Variants in FAM156A observed in about 807,000 individuals in gnomAD.
The protein encoded by FAM156A is family with sequence similarity 156 member A.
At chrX:52,982,532 A>C (rs372674054) in intron 1 of FAM156A, among the ~76,000 whole-genome samples, 1 of 112,070 alleles carries the variant, frequency 8.9e-6, no homozygotes, top group East Asian at 2.7e-4. Context: ...TAAAGTAAAA[A>C]ATAATAATCT....
intron 1 of FAM156A, among the ~76,000 whole-genome samples, chrX:52,991,058 T>A (rs1930730804): frequency 9.0e-6 from 1 of 111,398 alleles, no homozygotes; most frequent in Non-Finnish European, 1.9e-5. Flanking sequence ...TGGTACAGAA[T>A]CACGGTGAGG....
intron 1 of FAM156A, chrX:52,995,224 G>A (rs1931089538): frequency 8.9e-6 from 1 of 112,204 alleles, no homozygotes; most frequent in African/African-American, 3.2e-5. Flanking sequence ...TGAGTGTAGC[G>A]GGAGGAACGA....
intron 1 of FAM156A, among the ~76,000 whole-genome samples, chrX:52,990,910 G>A (rs1213531156): frequency 9.0e-6 from 1 of 111,472 alleles, no homozygotes; most frequent in African/African-American, 3.3e-5. Flanking sequence ...GGAAGGCCTC[G>A]GCAAAGGACT....
intron 1 of FAM156A, among the ~76,000 whole-genome samples, chrX:52,990,465 T>TTCTGCTCATTC (rs1930618007): frequency 9.0e-6 from 1 of 111,128 alleles, no homozygotes; most frequent in East Asian, 2.8e-4. Flanking sequence ...GAGGACAGAA[T>TTCTGCTCATTC]GAGCAGGGGC....
intron 1 of FAM156A, among the ~76,000 whole-genome samples, chrX:52,986,665 G>GA (rs139323374): frequency 2.4e-4 from 25 of 104,424 alleles, no homozygotes; most frequent in South Asian, 8.0e-4. Flanking sequence ...CATAATTAAA[G>GA]AAAAAAAAAA....
At chrX:52,994,048 T>C (rs1198394493) in intron 1 of FAM156A, among the ~76,000 whole-genome samples, 2 of 111,228 alleles carry the variant, frequency 1.8e-5, no homozygotes, top group Non-Finnish European at 3.8e-5. Context: ...TTTGAAATCA[T>C]GTCTGCCAGC....
intron 1 of FAM156A, among the ~76,000 whole-genome samples, chrX:52,974,253 A>C (rs1166672426): frequency 1.8e-5 from 2 of 112,707 alleles, no homozygotes; most frequent in African/African-American, 3.2e-5. Context: ...AAATGGAAGT[A>C]TACAGCTGTA....
chrX:52,988,914 T>C (rs923533172), intron 1 of FAM156A, among the ~76,000 whole-genome samples: 1 of 112,418 alleles, frequency 8.9e-6, no homozygotes, highest in Non-Finnish European at 1.9e-5. Flanking sequence ...ATGAACATCA[T>C]TGCATGTACA....
At chrX:52,975,004 G>A (rs782629253) in intron 1 of FAM156A, among the ~76,000 whole-genome samples, 4 of 107,210 alleles carry the variant, frequency 3.7e-5, no homozygotes, top group East Asian at 5.9e-4. Context: ...AGCCCTGGTC[G>A]ATTTCTCTCA....
intron 1 of FAM156A, among the ~76,000 whole-genome samples, chrX:52,974,400 T>C (rs1244656159): frequency 2.7e-5 from 3 of 111,986 alleles, no homozygotes; most frequent in Non-Finnish European, 5.6e-5. Flanking sequence ...GGGATGTGTC[T>C]TTTTTTATTG....
intron 1 of FAM156A, among the ~76,000 whole-genome samples, chrX:52,989,742 G>A (rs782023614): frequency 1.1e-4 from 12 of 111,935 alleles, no homozygotes; most frequent in Non-Finnish European, 2.1e-4. Context: ...GGTGGAGGCG[G>A]AGCCGGCAGC....
intron 1 of FAM156A, among the ~76,000 whole-genome samples, chrX:52,981,817 T>G (rs1929934595): frequency 9.1e-6 from 1 of 109,865 alleles, no homozygotes; most frequent in Non-Finnish European, 1.9e-5. Flanking sequence ...GAAGGCTGAA[T>G]GAGGAGCTTT....
intron 1 of FAM156A, among the ~76,000 whole-genome samples, chrX:52,976,854 A>G (rs1929506158): frequency 9.1e-6 from 1 of 110,172 alleles, no homozygotes; most frequent in Non-Finnish European, 1.9e-5. Context: ...ATAAATATGT[A>G]TATATAATAA....
At chrX:52,989,143 G>A (rs929814627) in intron 1 of FAM156A, among the ~76,000 whole-genome samples, 4 of 111,394 alleles carry the variant, frequency 3.6e-5, no homozygotes, top group Non-Finnish European at 7.5e-5. Context: ...CATGTGGGTC[G>A]CAGTAACTCA....
At chrX:52,974,651 C>T (rs1157188872) in intron 1 of FAM156A, among the ~76,000 whole-genome samples, 1 of 110,786 alleles carries the variant, frequency 9.0e-6, no homozygotes, top group East Asian at 2.8e-4. Flanking sequence ...TCTTAAGGGG[C>T]ATGAATCTCA....
intron 1 of FAM156A, among the ~76,000 whole-genome samples, chrX:52,982,054 T>C (rs1929953844): frequency 8.9e-6 from 1 of 111,914 alleles, no homozygotes; most frequent in Non-Finnish European, 1.9e-5. Flanking sequence ...TCCCAGCACT[T>C]TGGAAGGCCT....
chrX:52,991,830 C>G (rs1421796892), intron 1 of FAM156A, among the ~76,000 whole-genome samples: 1 of 109,745 alleles, frequency 9.1e-6, no homozygotes, highest in African/African-American at 3.4e-5. Flanking sequence ...TGTACTCAGC[C>G]TTGCCCTGTG....
chrX:52,989,297 C>T (rs1930522229), intron 1 of FAM156A, among the ~76,000 whole-genome samples: 1 of 111,799 alleles, frequency 8.9e-6, no homozygotes, highest in South Asian at 3.7e-4. Flanking sequence ...TGCTCACAAC[C>T]TCAGAACTTC....
rs782584725 is a variant in FAM156A, at chrX:52,988,401, G to A, written c.-434+6905C>T. On this transcript the variant is annotated intron_variant, in intron 1 of 4. Transcript: ENST00000610625. ...AGTATAGTGATAAGAGAACAGATCC[G>A]TGGGTGCCAGCGCTTAGGGGTGGGA... is the stretch of plus-strand genomic sequence containing the variant. Among the ~76,000 whole-genome samples, 10 of 110,939 alleles carry A rather than the reference G, an allele frequency of 9.0e-5. No homozygotes were observed. In the South Asian group the frequency reaches 2.7e-3, roughly 30 times the overall value.
Sources: gnomAD v4.1 joint callset for allele counts (sites outside exome capture counted in the v4.1 genomes callset) on GRCh38, gnomAD v4.1.1 for gene constraint, MANE v1.5 for transcripts, NCBI Gene and HGNC (gene_info 2026-07-23, HGNC 2026-07-21) for gene names.